KCNC4: variants seen among roughly 807,000 people sequenced by gnomAD.
KCNC4 encodes the protein potassium voltage-gated channel subfamily C member 4.
KCNC4 carries 23 observed loss-of-function variants against 42.8 expected under a neutral mutation model. The ratio of observed to expected loss-of-function variants is 0.54; its 90% CI spans 0.39 to 0.76. The LOEUF is 0.76. KCNC4 is among the 30% of genes least tolerant of loss of function. The pLI is 0.00. For missense variants in KCNC4, 751 were observed against 898.2 expected (o/e 0.84, Z 2.10); for synonymous variants, 422 against 393.5 (o/e 1.07, Z -0.86).
chr1:110,281,142 G>T lies in KCNC4; in HGVS notation n.31-1392G>T, dbSNP rs375488723. Among the ~76,000 whole-genome samples the T allele has an allele frequency of 7.9e-5, 12 of 152,246 alleles. No individual in the cohort carries two copies. The East Asian group carries it at 2.1e-3, about 27-fold the overall frequency. On this transcript the variant is annotated intron_variant and non_coding_transcript_variant, in intron 1 of 2. Transcript: ENST00000412512. The stretch of plus-strand genomic sequence containing the variant: ...GACAAGAAACCTTGCCTCATAATTT[G>T]GAAAACTTCATCACTTCCCTGGCTC...
intron 1 of KCNC4, among the ~76,000 whole-genome samples, chr1:110,217,883 T>A (rs1657884326): frequency 6.6e-6 from 1 of 152,172 alleles, no homozygotes; most frequent in Non-Finnish European, 1.5e-5. Flanking sequence ...TTCCTGCCTC[T>A]TACCCCCGGG....
intron 1 of KCNC4, among the ~76,000 whole-genome samples, chr1:110,215,874 G>T (rs1339835524): frequency 6.6e-6 from 1 of 152,218 alleles, no homozygotes; most frequent in African/African-American, 2.4e-5. Flanking sequence ...ATCTAAGTCT[G>T]TGCTCCTCCT....
At chr1:110,245,350 C>G (rs903259182) in exon 4 of KCNC4, 4 of 152,222 alleles carry the variant, frequency 2.6e-5, no homozygotes, top group Admixed American at 6.5e-5. Flanking sequence ...GCTGGCAGAC[C>G]TAGGTCCATT....
At chr1:110,216,492 C>T (rs778509155) in intron 1 of KCNC4, among the ~76,000 whole-genome samples, 2 of 152,206 alleles carry the variant, frequency 1.3e-5, no homozygotes, top group African/African-American at 2.4e-5. Context: ...CTGAACAGAT[C>T]AACATTTGTC....
At chr1:110,232,514 A>G in intron 3 of KCNC4, 1 of 1,436,580 alleles carries the variant, frequency 7.0e-7, no homozygotes, top group Non-Finnish European at 9.1e-7. Flanking sequence ...AAGGCTGCAG[A>G]GCTATGGTCC....
chr1:110,237,617 T>C (rs1050972234), downstream of KCNC4: 1 of 152,298 alleles, frequency 6.6e-6, no homozygotes, highest in African/African-American at 2.4e-5. Flanking sequence ...ATTAGAAGAC[T>C]GTTTCCAATC....
At chr1:110,227,150 C>T (rs942957005) in intron 3 of KCNC4, among the ~76,000 whole-genome samples, 2 of 152,222 alleles carry the variant, frequency 1.3e-5, no homozygotes, top group African/African-American at 4.8e-5. Flanking sequence ...TCTTAACCAG[C>T]TGGATTTCCC....
At chr1:110,275,193 G>A (rs1659696284) in intron 1 of KCNC4, among the ~76,000 whole-genome samples, 1 of 151,946 alleles carries the variant, frequency 6.6e-6, no homozygotes. Flanking sequence ...TAAAAAGTGG[G>A]CAAAGGAAAT....
At chr1:110,212,199 C>T (rs1452934401) in intron 1 of KCNC4, 22 bp downstream of exon 1, 7 of 1,452,524 alleles carry the variant, frequency 4.8e-6, no homozygotes, top group African/African-American at 4.5e-5. Flanking sequence ...GAGCCCGTGT[C>T]TCCCCATCTT....
chr1:110,246,402 T>C (rs1445813253), exon 4 of KCNC4: 1 of 152,216 alleles, frequency 6.6e-6, no homozygotes, highest in African/African-American at 2.4e-5. Flanking sequence ...GGTAGGGAGT[T>C]GGAGAAGATT....
intron 1 of KCNC4, among the ~76,000 whole-genome samples, chr1:110,265,530 G>A (rs909476982): frequency 2.6e-5 from 4 of 152,196 alleles, no homozygotes; most frequent in Non-Finnish European, 5.9e-5. Flanking sequence ...CCAGGCCCCT[G>A]TTCCCAGGCA....
At chr1:110,243,797 G>GA (rs1178233294) in exon 4 of KCNC4, 1 of 152,258 alleles carries the variant, frequency 6.6e-6, no homozygotes, top group Non-Finnish European at 1.5e-5. Context: ...GCTGGAAATA[G>GA]AACAGCTGGG....
chr1:110,273,369 T>C (rs1659667059), intron 1 of KCNC4, among the ~76,000 whole-genome samples: 1 of 152,340 alleles, frequency 6.6e-6, no homozygotes, highest in South Asian at 2.1e-4. Flanking sequence ...TGGCATTCTA[T>C]TGGTACTGCA....
downstream of KCNC4, among the ~76,000 whole-genome samples, chr1:110,250,771 C>T (rs188026333): frequency 3.4e-3 from 522 of 152,256 alleles, 1 homozygote; most frequent in African/African-American, 0.011. Flanking sequence ...ACCCCCTACA[C>T]AGCCAGTCTG....
At position 110,223,929 on chromosome 1, in the gene KCNC4, C is replaced by A; in HGVS notation, c.1615+29C>A. ...AGATTAGGGGTTGGGAAGGAAAATC[C>A]CTTTTCCCCCAGTGGCCTAGGGAGT... On this transcript the variant is annotated intron_variant, in intron 2 of 3. Coordinates refer to ENST00000438661, the MANE Select transcript of KCNC4 (RefSeq NM_001039574.3). This position sits in a 1 kb window ranked among gnomAD's most constrained non-coding sequence, Gnocchi z 7.5. 6.5e-7 allele frequency: 1 copy of A among 1,533,122 alleles called. No homozygotes were observed. The highest frequency in any genetic ancestry group is 8.9e-7 in the Non-Finnish European group (1 of 1,127,082). The allele number at this position is 1,533,122 out of a possible 1,614,324, so 95.0% of individuals were successfully genotyped here. A position where few individuals can be genotyped will look rare whatever the true frequency, so the allele number is the denominator to read the frequency against.
Position 110,211,339 on chromosome 1 carries a change from C to T in KCNC4, c.-161C>T, listed in dbSNP as rs1237795937. On this transcript the variant is annotated 5_prime_UTR_variant, in exon 1 of 4. Transcript: ENST00000438661. This position sits in a 1 kb window ranked among gnomAD's most constrained non-coding sequence, Gnocchi z 6.5. ...AAATCCAACTCCTCCCGCTCCGCGT[C>T]CTAGGGGGATAGGCAGGGGCAAGCC... 16 of 1,062,468 alleles carry T rather than the reference C, an allele frequency of 1.5e-5. No individual in the cohort carries two copies. Among genetic ancestry groups the T allele is most frequent in the African/African-American group, 1.1e-4 (7 of 61,816 alleles). The allele number at this position is 1,062,468 out of a possible 1,614,324, so 65.8% of individuals were successfully genotyped here.
intron 1 of KCNC4, among the ~76,000 whole-genome samples, chr1:110,267,615 G>T (rs958326915): frequency 6.6e-6 from 1 of 152,152 alleles, no homozygotes; most frequent in South Asian, 2.1e-4. Flanking sequence ...ATCTTATTCT[G>T]TTCCTTTTAG....
chr1:110,222,906 G>C (rs1290200036), intron 1 of KCNC4, 58 bp from the exon 2 acceptor site: 14 of 1,331,566 alleles, frequency 1.1e-5, no homozygotes, highest in Non-Finnish European at 1.5e-5. Context: ...CACGTCCCCA[G>C]CTGGGCCCAT....
At chr1:110,278,432 G>A (rs1427839274) in intron 1 of KCNC4, among the ~76,000 whole-genome samples, 2 of 152,114 alleles carry the variant, frequency 1.3e-5, no homozygotes, top group African/African-American at 4.8e-5. Flanking sequence ...ATCATCCATG[G>A]ATGCTGCTGA....
Sources: gnomAD v4.1 joint callset for allele counts (sites outside exome capture counted in the v4.1 genomes callset) on GRCh38, gnomAD v4.1.1 for gene constraint, Gnocchi (gnomAD v3.1) non-coding constraint, MANE v1.5 for transcripts, NCBI Gene and HGNC (gene_info 2026-07-23, HGNC 2026-07-21) for gene names.